The following EFCAB13 variants were observed in gnomAD, a reference collection of about 807,000 sequenced individuals.
EFCAB13 encodes the protein EF-hand calcium binding domain 13.
In EFCAB13, 91 loss-of-function variants were observed where a neutral mutation model predicts 110.2. That is an observed-to-expected ratio of 0.83 (90% CI 0.70 to 0.98). The LOEUF is 0.98. Among genes scored for constraint, EFCAB13 ranks in the 50% least tolerant of loss-of-function variants. The probability of loss-of-function intolerance (pLI) is 0.00; values close to 1 mark genes in which losing one functional copy is unlikely to be tolerated. For missense variants in EFCAB13, 968 were observed against 1,119.4 expected (o/e 0.86, Z 1.93); for synonymous variants, 323 against 369.9 (o/e 0.87, Z 1.45).
At chr17:47,368,921 A>G (rs1458546565) in intron 10 of EFCAB13, among the ~76,000 whole-genome samples, 2 of 152,224 alleles carry the variant, frequency 1.3e-5, no homozygotes, top group Non-Finnish European at 2.9e-5. Context: ...TTTATAGATG[A>G]AAATGGCTAT....
At position 47,395,949 on chromosome 17, in the gene EFCAB13, A is replaced by G; in HGVS notation, c.1917A>G (p.Leu639=). The part of the protein sequence containing the change: ...LNSNLKKDEF[L]AALELVTVDE... The stretch of plus-strand genomic sequence containing the variant: ...GTAATTTAAAAAAGGATGAATTTCT[A>G]GCTGCATTGGAACTAGTGACAGTTG... The change falls in exon 17 of 25, where the codon CTA becomes CTG. Residue 639 remains leucine, a synonymous_variant. Transcript: ENST00000331493. 6.2e-7 allele frequency: 1 copy of G among 1,608,976 alleles called. No individual in the cohort carries two copies. The highest frequency in any genetic ancestry group is 1.1e-5 in the South Asian group (1 of 90,266).
chr17:47,425,837 A>T (rs1259055076), intron 23 of EFCAB13, among the ~76,000 whole-genome samples: 1 of 152,236 alleles, frequency 6.6e-6, no homozygotes, highest in Admixed American at 6.5e-5. Flanking sequence ...AAGAGGGAAA[A>T]ATAAAGTTGC....
intron 12 of EFCAB13, among the ~76,000 whole-genome samples, chr17:47,375,287 G>A (rs991901953): frequency 3.9e-5 from 6 of 151,962 alleles, no homozygotes; most frequent in African/African-American, 1.5e-4. Flanking sequence ...CCACTGAATA[G>A]TATGTCTATT....
At chr17:47,352,110 G>A (rs938997849) in intron 9 of EFCAB13, among the ~76,000 whole-genome samples, 3 of 151,278 alleles carry the variant, frequency 2.0e-5, no homozygotes, top group Non-Finnish European at 4.4e-5. Context: ...CACCGTGTTA[G>A]CCAGGATGGT....
intron 23 of EFCAB13, among the ~76,000 whole-genome samples, chr17:47,426,599 CTATTT>C (rs1182703817): frequency 2.6e-5 from 4 of 152,020 alleles, no homozygotes; most frequent in African/African-American, 4.8e-5. Context: ...TTTTCAAATA[CTATTT>C]TAATCTTTAT....
Position 47,370,750 on chromosome 17 carries a change from T to G in EFCAB13, c.877+242T>G, listed in dbSNP as rs1017639019. Among the ~76,000 whole-genome samples the G allele has an allele frequency of 3.7e-4, 55 of 149,802 alleles. 1 individual carries two copies. Among genetic ancestry groups the G allele is most frequent in the African/African-American group, 1.3e-3 (52 of 41,008 alleles). On this transcript the variant is annotated intron_variant, in intron 11 of 24. Coordinates refer to ENST00000331493, the MANE Select transcript of EFCAB13 (RefSeq NM_152347.5). ...GTTGTTGTTGTTTGTTTTTTTTTTT[T>G]TTTTTTTTGAGGCGGAGTTTTGCTC... is the stretch of plus-strand genomic sequence containing the variant.
Position 47,325,024 on chromosome 17 carries a change from A to ACCC in EFCAB13, c.-248+505_-248+507dup, listed in dbSNP as rs10639943. On this transcript the variant is annotated intron_variant, in intron 2 of 24. Transcript: ENST00000331493. ...AGTACTGATCTTAACCGCCCACCCC[A>ACCC]CCCCCCTTTTTTTTTTTTGAGACAA... Among the ~76,000 whole-genome samples the ACCC allele has an allele frequency of 3.0e-4, 10 of 33,528 alleles. 1 individual carries two copies. The highest frequency in any genetic ancestry group is 6.4e-4 in the Admixed American group (3 of 4,678). 22.0% of individuals were successfully genotyped at this position (33,528 alleles called of 152,430 possible).
intron 9 of EFCAB13, among the ~76,000 whole-genome samples, chr17:47,359,165 T>C (rs1354257366): frequency 6.6e-6 from 1 of 152,084 alleles, no homozygotes; most frequent in East Asian, 1.9e-4. Flanking sequence ...AAAATCCATC[T>C]CTACAAAAAT....
At position 47,401,590 on chromosome 17, in the gene EFCAB13, A is replaced by G. The variant is rs552301066; in HGVS notation, c.1946-542A>G. On this transcript the variant is annotated intron_variant, in intron 17 of 24. Coordinates refer to ENST00000331493, the MANE Select transcript of EFCAB13 (RefSeq NM_152347.5). ...TGTCTTGGTTTTATATTTTGGGAAT[A>G]TGGATTATATTGTTTCCATTGATTG... Among the ~76,000 whole-genome samples, 383 of 147,568 alleles carry G rather than the reference A, an allele frequency of 2.6e-3. 3 individuals carry two copies. Among genetic ancestry groups the G allele is most frequent in the African/African-American group, 9.3e-3 (373 of 40,046 alleles).
chr17:47,333,057 T>A (rs1398503434), intron 4 of EFCAB13, among the ~76,000 whole-genome samples: 1 of 152,184 alleles, frequency 6.6e-6, no homozygotes, highest in Non-Finnish European at 1.5e-5. Flanking sequence ...TTTCTCCACA[T>A]CCTTGCCAAC....
intron 15 of EFCAB13, among the ~76,000 whole-genome samples, chr17:47,392,358 T>G (rs2065712709): frequency 6.6e-6 from 1 of 152,154 alleles, no homozygotes; most frequent in Admixed American, 6.5e-5. Context: ...AAACCCTGAC[T>G]TTTTTGTAAG....
chr17:47,375,628 A>G (rs1303519909), intron 12 of EFCAB13, among the ~76,000 whole-genome samples: 2 of 152,224 alleles, frequency 1.3e-5, no homozygotes, highest in African/African-American at 2.4e-5. Flanking sequence ...AATGGATATA[A>G]TATTGTGATT....
chr17:47,439,184 T>TG (rs1437272604), intron 24 of EFCAB13, among the ~76,000 whole-genome samples: 7 of 128,636 alleles, frequency 5.4e-5, no homozygotes, highest in African/African-American at 8.4e-5. Context: ...TTTTTTTTTT[T>TG]TTTTTTTTTT....
At chr17:47,420,099 C>T (rs1195127445) in intron 23 of EFCAB13, among the ~76,000 whole-genome samples, 1 of 152,226 alleles carries the variant, frequency 6.6e-6, no homozygotes, top group Non-Finnish European at 1.5e-5. Flanking sequence ...AGGCGCACGC[C>T]GCCACACCTG....
At chr17:47,395,108 A>G (rs2065729868) in intron 16 of EFCAB13, among the ~76,000 whole-genome samples, 1 of 151,946 alleles carries the variant, frequency 6.6e-6, no homozygotes, top group Non-Finnish European at 1.5e-5. Context: ...TATCTTATCT[A>G]TATATACCTA....
intron 4 of EFCAB13, among the ~76,000 whole-genome samples, chr17:47,329,608 A>G (rs946377546): frequency 2.6e-5 from 4 of 152,202 alleles, no homozygotes; most frequent in African/African-American, 7.2e-5. Flanking sequence ...ATATTAAAGT[A>G]TCATACCGGT....
chr17:47,430,789 CCA>C (rs1905100479), intron 24 of EFCAB13: 1 of 151,956 alleles, frequency 6.6e-6, no homozygotes. Flanking sequence ...CGATTGAACT[CCA>C]CAGTTTTCAA....
chr17:47,351,410 A>C (rs1394126445), intron 9 of EFCAB13, among the ~76,000 whole-genome samples: 2 of 151,926 alleles, frequency 1.3e-5, no homozygotes, highest in Non-Finnish European at 2.9e-5. Context: ...TGCTGTGATA[A>C]ACATATGAGT....
rs571777647 is a variant in EFCAB13 at position 47,398,097 on chromosome 17, G to A, written c.1945+2120G>A. ...AGCCCGCCGCCCGGCCAGCCGCCCC[G>A]TCCGGGAGGGAGGTGGGGGGGTCAG... On this transcript the variant is annotated intron_variant, in intron 17 of 24. Transcript: ENST00000331493. 5.6e-3 allele frequency among the ~76,000 whole-genome samples: 823 copies of A among 146,770 alleles called. 12 individuals are homozygous for A. Among genetic ancestry groups the A allele is most frequent in the African/African-American group, 0.02 (768 of 39,290 alleles).
Sources: allele counts gnomAD v4.1 joint callset (sites outside exome capture counted in the v4.1 genomes callset), GRCh38; gene constraint gnomAD v4.1.1; transcripts MANE v1.5; gene names NCBI Gene and HGNC (gene_info 2026-07-23, HGNC 2026-07-21).